The following LUZP2 variants were observed in gnomAD, a reference collection of about 807,000 sequenced individuals.
LUZP2 encodes the protein leucine zipper protein 2.
Under a neutral mutation model 51.6 loss-of-function variants are expected in LUZP2, and 52 were observed. The ratio of observed to expected loss-of-function variants is 1.01; its 90% CI spans 0.81 to 1.27. The LOEUF is 1.27. LUZP2 is among the 50% of genes most tolerant of loss of function. The pLI is 0.00. For missense variants in LUZP2, 436 were observed against 395.4 expected (o/e 1.10, Z -0.87); for synonymous variants, 154 against 137.3 (o/e 1.12, Z -0.85).
chr11:24,509,677 T>G (rs1196375026), intron 1 of LUZP2, among the ~76,000 whole-genome samples: 1 of 151,052 alleles, frequency 6.6e-6, no homozygotes, highest in East Asian at 1.9e-4. Flanking sequence ...TAGTATATAT[T>G]ATATGCATAT....
chr11:24,678,024 G>C (rs1054986692), intron 1 of LUZP2, among the ~76,000 whole-genome samples: 1 of 130,970 alleles, frequency 7.6e-6, no homozygotes, highest in Non-Finnish European at 1.6e-5. Context: ...GCGACAGAGC[G>C]AGACTCCGTC....
intron 1 of LUZP2, among the ~76,000 whole-genome samples, chr11:24,635,639 C>T (rs1855071984): frequency 6.6e-6 from 1 of 152,140 alleles, no homozygotes; most frequent in South Asian, 2.1e-4. Context: ...TTCTATCTCA[C>T]TGTCTTCTAT....
chr11:24,506,739 T>C (rs1850156285), intron 1 of LUZP2, among the ~76,000 whole-genome samples: 1 of 152,072 alleles, frequency 6.6e-6, no homozygotes, highest in African/African-American at 2.4e-5. Flanking sequence ...TATATTCATA[T>C]ATGATTCATC....
At chr11:24,689,756 T>C (rs1176082638) in intron 1 of LUZP2, among the ~76,000 whole-genome samples, 3 of 152,190 alleles carry the variant, frequency 2.0e-5, no homozygotes, top group African/African-American at 7.2e-5. Flanking sequence ...TCTTTGACAA[T>C]TTAGAACTGA....
intron 1 of LUZP2, among the ~76,000 whole-genome samples, chr11:24,628,191 GCACA>G (rs1436104288): frequency 7.2e-6 from 1 of 138,074 alleles, no homozygotes; most frequent in Admixed American, 7.5e-5. Context: ...GCATACACAC[GCACA>G]CACACACACC....
intron 10 of LUZP2, among the ~76,000 whole-genome samples, chr11:25,061,050 T>A (rs917240095): frequency 6.6e-6 from 1 of 152,184 alleles, no homozygotes. Flanking sequence ...GATATCAAAG[T>A]CCAGGAGCTT....
chr11:24,890,940 T>A, intron 5 of LUZP2: 1 of 961,550 alleles, frequency 1.0e-6, no homozygotes, highest in Non-Finnish European at 1.2e-6. Flanking sequence ...TTAATTCTAT[T>A]GCTCTTATGA....
At chr11:24,999,619 G>C (rs1461357593) in intron 9 of LUZP2, among the ~76,000 whole-genome samples, 2 of 122,932 alleles carry the variant, frequency 1.6e-5, no homozygotes, top group Admixed American at 1.7e-4. Context: ...GCCCACCTCG[G>C]CCTCCAAAGT....
intron 5 of LUZP2, among the ~76,000 whole-genome samples, chr11:24,782,289 G>C (rs377166756): frequency 2.6e-5 from 4 of 152,086 alleles, no homozygotes; most frequent in South Asian, 4.1e-4. Context: ...GAGTGCAGCT[G>C]TGAAGATACA....
chr11:24,918,422 A>G (rs187194742), intron 7 of LUZP2, among the ~76,000 whole-genome samples: 6 of 152,120 alleles, frequency 3.9e-5, no homozygotes, highest in East Asian at 3.9e-4. Context: ...CCGGTTTTCA[A>G]AGGGAATGCT....
intron 1 of LUZP2, among the ~76,000 whole-genome samples, chr11:24,616,205 A>G (rs7119048): frequency 0.23 from 35,419 of 151,854 alleles, 5,320 homozygotes; most frequent in African/African-American, 0.42. Flanking sequence ...TTCAATATTT[A>G]TGAAAGAGAA....
intron 4 of LUZP2, among the ~76,000 whole-genome samples, chr11:24,740,404 T>G (rs1051069223): frequency 1.3e-5 from 2 of 152,162 alleles, no homozygotes; most frequent in African/African-American, 4.8e-5. Context: ...CTCAGCGTGC[T>G]GGCAGTGCCT....
chr11:24,729,197 C>T lies in LUZP2; in HGVS notation c.91C>T (p.Leu31=). The change falls in exon 2 of 12, where the codon CTG becomes TTG. Residue 31 remains leucine (L), a synonymous_variant. Coordinates refer to ENST00000336930, the MANE Select transcript of LUZP2 (RefSeq NM_001009909.4). ...GGACTATGAAGAGCTAGAAAAGCAG[C>T]TGAAAGAAGTCTTTAAGGAGCGAAG... ...RQDYEELEKQ[L]KEVFKERSTI... is the part of the protein sequence containing the mutation. The T allele has an allele frequency of 1.3e-6, 2 of 1,573,368 alleles. No homozygotes were observed. Among genetic ancestry groups the T allele is most frequent in the Non-Finnish European group, 1.7e-6 (2 of 1,152,976 alleles).
intron 1 of LUZP2, among the ~76,000 whole-genome samples, chr11:24,643,530 A>G (rs1422212747): frequency 6.6e-6 from 1 of 152,178 alleles, no homozygotes; most frequent in Non-Finnish European, 1.5e-5. Context: ...GCTAATGCGC[A>G]GTACAGATTT....
At chr11:25,056,973 G>T (rs1337048396) in intron 10 of LUZP2, among the ~76,000 whole-genome samples, 2 of 152,026 alleles carry the variant, frequency 1.3e-5, no homozygotes, top group Admixed American at 6.5e-5. Flanking sequence ...GGTGGCAGGC[G>T]CCTGTAATCC....
At chr11:24,778,262 A>G (rs1468990428) in intron 5 of LUZP2, among the ~76,000 whole-genome samples, 1 of 152,026 alleles carries the variant, frequency 6.6e-6, no homozygotes, top group Non-Finnish European at 1.5e-5. Context: ...TAAAAAATAA[A>G]AAAATCAGCC....
chr11:24,733,983 C>T lies in LUZP2; in HGVS notation c.251+1795C>T, dbSNP rs1858830932. 1.3e-5 allele frequency among the ~76,000 whole-genome samples: 2 copies of T among 151,656 alleles called. 1 individual carries two copies. Among genetic ancestry groups the T allele is most frequent in the South Asian group, 4.1e-4 (2 of 4,826 alleles). ...AAAAATAAAAATGGCTAAAAGATGG[C>T]ATATACTGGATTTCAGTGATAATAA... is the stretch of plus-strand genomic sequence containing the variant. On this transcript the variant is annotated intron_variant, in intron 3 of 11. Transcript: ENST00000336930.
At chr11:24,507,394 G>A (rs1245958935) in intron 1 of LUZP2, among the ~76,000 whole-genome samples, 2 of 152,070 alleles carry the variant, frequency 1.3e-5, no homozygotes, top group Admixed American at 6.6e-5. Context: ...TTACACATGT[G>A]TATAAATACA....
chr11:24,587,422 G>T (rs763760984), intron 1 of LUZP2, among the ~76,000 whole-genome samples: 5 of 152,074 alleles, frequency 3.3e-5, no homozygotes, highest in Non-Finnish European at 5.9e-5. Flanking sequence ...TGGGGGAGGG[G>T]TCAAGAAGCC....
Sources: allele counts gnomAD v4.1 joint callset (sites outside exome capture counted in the v4.1 genomes callset), GRCh38; gene constraint gnomAD v4.1.1; transcripts MANE v1.5; gene names NCBI Gene and HGNC (gene_info 2026-07-23, HGNC 2026-07-21).